The following ANAPC1 variants were observed in gnomAD, a reference collection of about 807,000 sequenced individuals.
ANAPC1 encodes anaphase-promoting complex subunit 1.
In ANAPC1, 36 loss-of-function variants were observed where a neutral mutation model predicts 208.0. That is an observed-to-expected ratio of 0.17 (90% CI 0.13 to 0.23). The LOEUF is 0.23. Ranked by LOEUF, ANAPC1 falls within the 10% of genes least tolerant of loss-of-function variation. The pLI, the probability that ANAPC1 is intolerant of heterozygous loss-of-function variation, is 1.00. For missense variants in ANAPC1, 942 were observed against 2,011.6 expected (o/e 0.47, Z 10.17); for synonymous variants, 378 against 695.2 (o/e 0.54, Z 7.18).
chr2:111,823,465 T>C (rs1334454603), intron 24 of ANAPC1, among the ~76,000 whole-genome samples: 1 of 150,872 alleles, frequency 6.6e-6, no homozygotes, highest in Non-Finnish European at 1.5e-5. Flanking sequence ...GACACAGGTA[T>C]AAAAATATTC....
At chr2:111,834,508 T>C (rs1394142368) in intron 19 of ANAPC1, 96 bp downstream of exon 19, 22 of 1,111,256 alleles carry the variant, frequency 2.0e-5, no homozygotes, top group Non-Finnish European at 2.5e-5. Context: ...TTTCAGAAAC[T>C]TATTTACAAG....
intron 13 of ANAPC1, chr2:111,856,389 C>G (rs1681723653): frequency 6.0e-6 from 3 of 501,266 alleles, no homozygotes; most frequent in Non-Finnish European, 1.1e-5. Flanking sequence ...CCATCTGTGA[C>G]AGGTTTAGAG....
At chr2:111,867,872 A>G (rs1430140287) in intron 7 of ANAPC1, 151 bp downstream of exon 7, 1 of 526,468 alleles carries the variant, frequency 1.9e-6, no homozygotes, top group Non-Finnish European at 3.4e-6. Context: ...AGTTAATACC[A>G]TGATATTCAA....
At chr2:111,830,561 G>A (rs1386821751) in intron 21 of ANAPC1, among the ~76,000 whole-genome samples, 1 of 151,994 alleles carries the variant, frequency 6.6e-6, no homozygotes, top group Non-Finnish European at 1.5e-5. Flanking sequence ...TGTATTAAGA[G>A]AATGACGAGA....
intron 39 of ANAPC1, among the ~76,000 whole-genome samples, 175 bp from the exon 40 acceptor site, chr2:111,785,652 T>TAA: frequency 6.6e-6 from 1 of 151,950 alleles, no homozygotes; most frequent in East Asian, 1.9e-4. Context: ...AATTATCTTT[T>TAA]AAAAATTTTA....
intron 21 of ANAPC1, among the ~76,000 whole-genome samples, chr2:111,830,445 C>T (rs1680071136): frequency 1.3e-5 from 2 of 151,486 alleles, no homozygotes; most frequent in South Asian, 2.1e-4. Flanking sequence ...TCTTCAAAAC[C>T]TGAAGTTAAA....
At chr2:111,818,285 TA>T (rs1486726164) in intron 27 of ANAPC1, among the ~76,000 whole-genome samples, 2 of 139,184 alleles carry the variant, frequency 1.4e-5, no homozygotes, top group South Asian at 2.4e-4. Context: ...TGTAAATTTT[TA>T]AAAAAATCTA....
intron 33 of ANAPC1, 127 bp downstream of exon 33, chr2:111,802,301 A>G (rs1678480556): frequency 2.9e-6 from 2 of 687,848 alleles, no homozygotes; most frequent in Non-Finnish European, 5.3e-6. Flanking sequence ...GGACTCAAGC[A>G]ATCCTCCTGC....
intron 25 of ANAPC1, among the ~76,000 whole-genome samples, chr2:111,821,934 C>A (rs1226208195): frequency 6.6e-6 from 1 of 151,346 alleles, no homozygotes; most frequent in Non-Finnish European, 1.5e-5. Context: ...ACATTTTTTC[C>A]CTGGGGCTGC....
At position 111,782,377 on chromosome 2, in the gene ANAPC1, C is replaced by T; in HGVS notation, c.5194G>A (p.Ala1732Thr). The change falls in exon 43 of 48, where the codon GCT (alanine) becomes ACT (threonine). Residue 1732 changes from alanine to threonine, a missense_variant. Transcript: ENST00000341068. The part of the protein sequence containing the change: ...TVANRNSEAR[A>T]FKPETISAFT... ...CCAATCAATAATACTACCTTGAAAG[C>T]CCGGGCTTCAGAGTTCCTGTTAGCA... 2 of 1,612,988 alleles carry T rather than the reference C, an allele frequency of 1.2e-6. No individual in the cohort carries two copies. Among genetic ancestry groups the T allele is most frequent in the Non-Finnish European group, 1.7e-6 (2 of 1,179,410 alleles).
chr2:111,782,319 C>T, intron 43 of ANAPC1, 50 bp downstream of exon 43: 2 of 1,611,924 alleles, frequency 1.2e-6, no homozygotes, highest in Admixed American at 1.7e-5. Context: ...GGCGAGGAAG[C>T]CGGCAATTTA....
chr2:111,782,539 T>C, intron 42 of ANAPC1, 32 bp from the exon 43 acceptor site: 8 of 1,612,566 alleles, frequency 5.0e-6, no homozygotes, highest in Non-Finnish European at 5.1e-6. Context: ...TAATATAAGG[T>C]ATTACTGGCA....
chr2:111,794,532 T>C (rs1233603470), intron 35 of ANAPC1, among the ~76,000 whole-genome samples: 6 of 152,176 alleles, frequency 3.9e-5, no homozygotes, highest in Non-Finnish European at 8.8e-5. Context: ...TGCCTACAGT[T>C]TCATATGCAG....
At chr2:111,810,211 TTA>T (rs1678894519) in intron 28 of ANAPC1, among the ~76,000 whole-genome samples, 1 of 151,932 alleles carries the variant, frequency 6.6e-6, no homozygotes, top group Non-Finnish European at 1.5e-5. Flanking sequence ...ATACCATATT[TTA>T]TATGACTCCG....
rs1239732672 is a variant in ANAPC1 at position 111,793,245 on chromosome 2, G to T, written c.4519-690C>A. On this transcript the variant is annotated intron_variant, in intron 37 of 47. Transcript: ENST00000341068. Reference sequence around the variant, plus strand: ...AAGTTGTTTCTTTTTTGTTGTTGTTGTTTTTTTTGGAGACAGGGTCTCTCA... The same window carrying T: ...AAGTTGTTTCTTTTTTGTTGTTGTTTTTTTTTTTGGAGACAGGGTCTCTCA... Among the ~76,000 whole-genome samples the T allele has an allele frequency of 2.6e-5, 4 of 151,788 alleles. No individual in the cohort carries two copies. In the South Asian group the frequency reaches 8.3e-4, roughly 32 times the overall value.
chr2:111,824,464 T>C (rs1357494322), intron 24 of ANAPC1, among the ~76,000 whole-genome samples: 5 of 152,134 alleles, frequency 3.3e-5, no homozygotes, highest in African/African-American at 7.2e-5. Flanking sequence ...CCTAGGAGCA[T>C]AGGTTTGGGG....
At chr2:111,835,426 G>C (rs539863322) in intron 18 of ANAPC1, among the ~76,000 whole-genome samples, 7 of 152,212 alleles carry the variant, frequency 4.6e-5, no homozygotes, top group African/African-American at 1.7e-4. Context: ...TTGGTTCAGA[G>C]AATGTGGTTT....
intron 6 of ANAPC1, among the ~76,000 whole-genome samples, chr2:111,871,753 A>G (rs1682759811): frequency 6.6e-6 from 1 of 151,564 alleles, no homozygotes; most frequent in South Asian, 2.1e-4. Context: ...ACCCCGTCTC[A>G]AAAAAAAAGA....
At chr2:111,879,537 C>A (rs368893348) in intron 2 of ANAPC1, among the ~76,000 whole-genome samples, 31 of 152,272 alleles carry the variant, frequency 2.0e-4, no homozygotes, top group African/African-American at 7.5e-4. Context: ...AGGAGGGATT[C>A]ATTTTCTGAC....
Sources: allele counts gnomAD v4.1 joint callset (sites outside exome capture counted in the v4.1 genomes callset), GRCh38; gene constraint gnomAD v4.1.1; transcripts MANE v1.5; gene names NCBI Gene and HGNC (gene_info 2026-07-23, HGNC 2026-07-21).